Variants in ACOX3 observed in about 807,000 individuals in gnomAD.
The protein encoded by ACOX3 is acyl-CoA oxidase 3, pristanoyl.
Under a neutral mutation model 81.5 loss-of-function variants are expected in ACOX3, and 73 were observed. The observed-to-expected ratio is 0.90, with a 90% CI of 0.74 to 1.09. ACOX3 has a LOEUF of 1.09. Ranked by LOEUF, ACOX3 falls within the 50% of genes least tolerant of loss-of-function variation. The pLI, the probability that ACOX3 is intolerant of heterozygous loss-of-function variation, is 0.00. For synonymous variants in ACOX3, 387 were observed against 375.1 expected, an observed-to-expected ratio of 1.03 and a Z score of -0.37; for missense variants, 947 against 928.0, an observed-to-expected ratio of 1.02 and a Z score of -0.27.
chr4:8,356,215 G>A, the ACOX3 span: 2 of 286,136 alleles, frequency 7.0e-6, no homozygotes, highest in East Asian at 7.9e-5. Flanking sequence ...AGTGAGGGAA[G>A]TCCCACATCC....
At position 8,432,876 on chromosome 4, in the gene ACOX3, C is replaced by T. The variant is rs1174957220; in HGVS notation, c.-15+7772G>A. 6.6e-6 allele frequency among the ~76,000 whole-genome samples: 1 copy of T among 152,250 alleles called. No homozygotes were observed. Among genetic ancestry groups the T allele is most frequent in the East Asian group, 1.9e-4 (1 of 5,206 alleles). On this transcript the variant is annotated intron_variant, in intron 1 of 17. Coordinates refer to ENST00000356406, the MANE Select transcript of ACOX3 (RefSeq NM_003501.3). The surrounding 1 kb of genome is among the most constrained non-coding windows in gnomAD (Gnocchi z 6.2). ...AGTAGCCCCTAGCCTCATGTGGCTACTTAAATGTGCAGCAGTTAAATACAT... is the reference window on the plus strand; with the variant it reads ...AGTAGCCCCTAGCCTCATGTGGCTATTTAAATGTGCAGCAGTTAAATACAT...
Position 8,430,791 on chromosome 4 carries a change from G to A in ACOX3, c.-15+9857C>T, listed in dbSNP as rs943442947. 3.3e-5 allele frequency among the ~76,000 whole-genome samples: 5 copies of A among 152,202 alleles called. No individual in the cohort carries two copies. Among genetic ancestry groups the A allele is most frequent in the African/African-American group, 1.2e-4 (5 of 41,454 alleles). On this transcript the variant is annotated intron_variant, in intron 1 of 17. Transcript: ENST00000356406. The surrounding 1 kb of genome is among the most constrained non-coding windows in gnomAD (Gnocchi z 5.2). ...GAATCGCCTGAACGCAGGAGGTAGA[G>A]GTTGCAGTGAGCCAAGGTAGCACCA...
Position 8,415,246 on chromosome 4 carries a change from G to C in ACOX3, c.379-318C>G, listed in dbSNP as rs11730587. Reference sequence around the variant, plus strand: ...TAAGATGCCTGCAAGGAGTCCTGGGGGTCTGAGGACAGCAGGGAGAGCTGT... The same window carrying C: ...TAAGATGCCTGCAAGGAGTCCTGGGCGTCTGAGGACAGCAGGGAGAGCTGT... On this transcript the variant is annotated intron_variant, in intron 3 of 17. Transcript: ENST00000356406. 7.5e-3 allele frequency among the ~76,000 whole-genome samples: 1,140 copies of C among 152,218 alleles called. 4 individuals carry two copies. Among genetic ancestry groups the C allele is most frequent in the Non-Finnish European group, 0.013 (899 of 68,002 alleles).
Position 8,374,966 on chromosome 4 carries a change from CA to C in ACOX3, c.1828+11del. ...CTGGGGAGGACAGCAAGCCCGCAGT[CA>C]GAAGCCTCACCTCGGTAGAGCAGGG... On this transcript the variant is annotated intron_variant, in intron 15 of 17. Transcript: ENST00000356406. The C allele has an allele frequency of 6.7e-7, 1 of 1,497,368 alleles. No homozygotes were observed. The highest frequency in any genetic ancestry group is 9.0e-7 in the Non-Finnish European group (1 of 1,115,294). The allele number at this position is 1,497,368 out of a possible 1,614,324, so 92.8% of individuals were successfully genotyped here. A position where few individuals can be genotyped will look rare whatever the true frequency, so the allele number is the denominator to read the frequency against.
At position 8,368,866 on chromosome 4, in the gene ACOX3, G is replaced by A. The variant is rs1715800141; in HGVS notation, c.1984-1786C>T. Among the ~76,000 whole-genome samples, 1 of 151,940 alleles carries A rather than the reference G, an allele frequency of 6.6e-6. No individual in the cohort carries two copies. On this transcript the variant is annotated intron_variant, in intron 17 of 17. Transcript: ENST00000356406. This position sits in a 1 kb window ranked among gnomAD's most constrained non-coding sequence, Gnocchi z 5.9. ...CACCTCAGTTTTTGTAATTTTTATG[G>A]ATGGGGTTTCAGTATGTTGCCTAGG... is the stretch of plus-strand genomic sequence containing the variant.
rs1722714530 is a variant in ACOX3, at chr4:8,419,560, A to G, written c.-14-3025T>C. Among the ~76,000 whole-genome samples the G allele has an allele frequency of 6.6e-6, 1 of 152,226 alleles. No individual in the cohort carries two copies. Among genetic ancestry groups the G allele is most frequent in the Non-Finnish European group, 1.5e-5 (1 of 68,038 alleles). ...AAGTGACCCAGCCATTCTGGAGAAC[A>G]GTGTGGCAGTTCCACAAGTGATTAA... On this transcript the variant is annotated intron_variant, in intron 1 of 17. Transcript: ENST00000356406. This position sits in a 1 kb window ranked among gnomAD's most constrained non-coding sequence, Gnocchi z 4.2.
downstream of ACOX3, among the ~76,000 whole-genome samples, chr4:8,365,047 G>A (rs189707087): frequency 2.0e-5 from 3 of 152,144 alleles, no homozygotes; most frequent in Admixed American, 6.5e-5. Flanking sequence ...ACACACACAC[G>A]GCCTGAGGCA....
At chr4:8,402,249 G>C (rs964581928) in intron 7 of ACOX3, among the ~76,000 whole-genome samples, 1 of 152,242 alleles carries the variant, frequency 6.6e-6, no homozygotes, top group Admixed American at 6.5e-5. Flanking sequence ...GACCTGGTGA[G>C]GGAAGAGCTC....
chr4:8,428,449 G>C (rs975367881), intron 1 of ACOX3: 1 of 152,442 alleles, frequency 6.6e-6, no homozygotes, highest in Admixed American at 6.5e-5. Flanking sequence ...TGGCCCCACT[G>C]CTCCCCCGCC....
At chr4:8,434,169 T>C (rs188515235) in intron 1 of ACOX3, among the ~76,000 whole-genome samples, 16 of 152,354 alleles carry the variant, frequency 1.1e-4, no homozygotes, top group South Asian at 2.1e-4. Context: ...CTGATCCATG[T>C]AGCCCCCAGT....
In ACOX3 at chr4:8,394,609, C is replaced by T. The variant is rs775039072; in HGVS notation, c.1179+11G>A. The T allele has an allele frequency of 6.2e-7, 1 of 1,612,590 alleles. No homozygotes were observed. ...TAAACGATGCTGCTGAGGAAGCAGACACCACCTCACCTGTCTGGCGCTGCG... is the reference window on the plus strand; with the variant it reads ...TAAACGATGCTGCTGAGGAAGCAGATACCACCTCACCTGTCTGGCGCTGCG... On this transcript the variant is annotated intron_variant, in intron 10 of 17. Coordinates refer to ENST00000356406, the MANE Select transcript of ACOX3 (RefSeq NM_003501.3). This position sits in a 1 kb window ranked among gnomAD's most constrained non-coding sequence, Gnocchi z 5.9.
chr4:8,401,508 C>G (rs1415949046), intron 7 of ACOX3, among the ~76,000 whole-genome samples: 1 of 152,168 alleles, frequency 6.6e-6, no homozygotes, highest in Non-Finnish European at 1.5e-5. Flanking sequence ...CCCAGCACCT[C>G]CATCCCTACT....
In ACOX3 at chr4:8,381,445, A is replaced by T; in HGVS notation, c.1653+47T>A. On this transcript the variant is annotated intron_variant, in intron 14 of 17. Transcript: ENST00000356406. The surrounding 1 kb of genome is among the most constrained non-coding windows in gnomAD (Gnocchi z 4.3). Reference sequence around the variant, plus strand: ...CTCCCAGGGACACAACGGCCAGGGAATTAAGAGCAAATAATACAAAAGGGA... The same window carrying T: ...CTCCCAGGGACACAACGGCCAGGGATTTAAGAGCAAATAATACAAAAGGGA... 1 of 1,555,870 alleles carries T rather than the reference A, an allele frequency of 6.4e-7. No individual in the cohort carries two copies. Among genetic ancestry groups the T allele is most frequent in the Non-Finnish European group, 8.8e-7 (1 of 1,130,068 alleles).
At position 8,414,470 on chromosome 4, in the gene ACOX3, GAT is replaced by G; in HGVS notation, c.454-91_454-90del. 8.2e-7 allele frequency: 1 copy of G among 1,215,142 alleles called. No individual in the cohort carries two copies. Among genetic ancestry groups the G allele is most frequent in the Non-Finnish European group, 1.2e-6 (1 of 830,114 alleles). 75.3% of individuals were successfully genotyped at this position (1,215,142 alleles called of 1,614,324 possible). On this transcript the variant is annotated intron_variant, in intron 4 of 17. Transcript: ENST00000356406. This position sits in a 1 kb window ranked among gnomAD's most constrained non-coding sequence, Gnocchi z 6.1. ...ACCTCACTGCCATCTTTCCTTTAAA[GAT>G]GAAACCACATATCAAAGCCCCAAAT...
At chr4:8,367,391 G>A (rs1428419470) in intron 17 of ACOX3, among the ~76,000 whole-genome samples, 1 of 152,082 alleles carries the variant, frequency 6.6e-6, no homozygotes, top group Non-Finnish European at 1.5e-5. Flanking sequence ...GCTGAGGCAG[G>A]AGAATCACTT....
At position 8,400,283 on chromosome 4, in the gene ACOX3, T is replaced by TAATAATAATAAAAAA. The variant is rs1720232302; in HGVS notation, c.777-632_777-631insTTTTTTATTATTATT. 7.2e-6 allele frequency among the ~76,000 whole-genome samples: 1 copy of TAATAATAATAAAAAA among 138,976 alleles called. No individual in the cohort carries two copies. Among genetic ancestry groups the TAATAATAATAAAAAA allele is most frequent in the African/African-American group, 2.7e-5 (1 of 37,648 alleles). 91.2% of individuals were successfully genotyped at this position (138,976 alleles called of 152,430 possible). A position where few individuals can be genotyped will look rare whatever the true frequency, so the allele number is the denominator to read the frequency against. On this transcript the variant is annotated intron_variant, in intron 7 of 17. Coordinates refer to ENST00000356406, the MANE Select transcript of ACOX3 (RefSeq NM_003501.3). This position sits in a 1 kb window ranked among gnomAD's most constrained non-coding sequence, Gnocchi z 4.4. ...ATAATAATAATAATAATAATAATAA[T>TAATAATAATAAAAAA]AAAAGCATTGTGTATATGGTAAGTT...
In ACOX3 at chr4:8,406,733, G is replaced by A. The variant is rs568201962; in HGVS notation, c.688-690C>T. On this transcript the variant is annotated intron_variant, in intron 6 of 17. Transcript: ENST00000356406. The surrounding 1 kb of genome is among the most constrained non-coding windows in gnomAD (Gnocchi z 5.6). ...GGAGACAGAGAGAAAGACAGCTTAC[G>A]CCATTATTTCTGCTTATTAGAGACT... Among the ~76,000 whole-genome samples the A allele has an allele frequency of 2.6e-5, 4 of 152,322 alleles. No homozygotes were observed. The highest frequency in any genetic ancestry group is 2.6e-4 in the Admixed American group (4 of 15,296).
rs948551741 is a variant in ACOX3, at chr4:8,381,114, G to C, written c.1653+378C>G. 3.3e-5 allele frequency among the ~76,000 whole-genome samples: 5 copies of C among 152,196 alleles called. No individual in the cohort carries two copies. Among genetic ancestry groups the C allele is most frequent in the African/African-American group, 4.8e-5 (2 of 41,444 alleles). ...CTCGGGAAGGCGAGAGCAACTTGTGGAAAACCAAGCAGGGCGCTGGCATCA... is the reference window on the plus strand; with the variant it reads ...CTCGGGAAGGCGAGAGCAACTTGTGCAAAACCAAGCAGGGCGCTGGCATCA... On this transcript the variant is annotated intron_variant, in intron 14 of 17. Transcript: ENST00000356406. The surrounding 1 kb of genome is among the most constrained non-coding windows in gnomAD (Gnocchi z 4.3).
intron 11 of ACOX3, among the ~76,000 whole-genome samples, chr4:8,390,468 G>A (rs1185343222): frequency 6.6e-6 from 1 of 152,218 alleles, no homozygotes; most frequent in Non-Finnish European, 1.5e-5. Context: ...GCATGGGGTT[G>A]CTGATAGGAG....
Sources: allele counts gnomAD v4.1 joint callset (sites outside exome capture counted in the v4.1 genomes callset), GRCh38; gene constraint gnomAD v4.1.1; non-coding constraint Gnocchi (gnomAD v3.1); transcripts MANE v1.5; gene names NCBI Gene and HGNC (gene_info 2026-07-23, HGNC 2026-07-21).